Variants in CFAP20DC observed in about 807,000 individuals in gnomAD.
CFAP20DC encodes protein CFAP20DC.
CFAP20DC carries 84 observed loss-of-function variants against 101.7 expected under a neutral mutation model. The observed-to-expected ratio is 0.83, with a 90% CI of 0.69 to 0.99. The LOEUF (loss-of-function observed/expected upper bound fraction) is 0.99. CFAP20DC is among the 50% of genes least tolerant of loss of function. CFAP20DC has a pLI of 0.00. For synonymous variants in CFAP20DC, 359 were observed against 351.2 expected, an observed-to-expected ratio of 1.02 and a Z score of -0.25; for missense variants, 1,007 against 970.3, an observed-to-expected ratio of 1.04 and a Z score of -0.50.
intron 5 of CFAP20DC, among the ~76,000 whole-genome samples, chr3:58,920,176 C>T (rs1322328670): frequency 6.7e-6 from 1 of 150,036 alleles, no homozygotes; most frequent in African/African-American, 2.5e-5. Flanking sequence ...CTGCAGCCTC[C>T]GCTTCCCAGG....
At chr3:59,038,610 A>T (rs1278146908) in intron 4 of CFAP20DC, among the ~76,000 whole-genome samples, 1 of 152,164 alleles carries the variant, frequency 6.6e-6, no homozygotes, top group East Asian at 1.9e-4. Flanking sequence ...ACATTTTTGT[A>T]ATTCCTGCAA....
At chr3:58,870,924 A>G (rs1273443) in intron 7 of CFAP20DC, among the ~76,000 whole-genome samples, 12 of 143,346 alleles carry the variant, frequency 8.4e-5, no homozygotes, top group African/African-American at 3.3e-4. Context: ...AAAAAAAAAA[A>G]GAAAAAAGGA....
At chr3:58,947,807 A>G (rs958661856) in intron 4 of CFAP20DC, among the ~76,000 whole-genome samples, 1 of 152,208 alleles carries the variant, frequency 6.6e-6, no homozygotes, top group Admixed American at 6.5e-5. Flanking sequence ...TAGGACAACA[A>G]AGGAGGAAAA....
At chr3:58,982,834 G>A (rs1391821684) in intron 4 of CFAP20DC, among the ~76,000 whole-genome samples, 3 of 151,936 alleles carry the variant, frequency 2.0e-5, no homozygotes, top group African/African-American at 4.8e-5. Context: ...TTGTGCACAT[G>A]TACCCTAAAA....
Position 59,046,274 on chromosome 3 carries a change from T to C in CFAP20DC, c.160A>G (p.Ser54Gly). The change falls in exon 3 of 17, where the codon AGC (serine) becomes GGC (glycine). Residue 54 changes from serine to glycine, a missense_variant. Transcript: ENST00000482387. ...GGTAACTGAATTTTGTTTGTTTGGC[T>C]GCTGCCTTCCAGGACAAACACAAAA... Reference protein sequence around the residue: ...KSFVFVLEGSSQTNKIQLPKE... With the variant: ...KSFVFVLEGSGQTNKIQLPKE... 4 of 1,532,966 alleles carry C rather than the reference T, an allele frequency of 2.6e-6. No homozygotes were observed. The highest frequency in any genetic ancestry group is 3.5e-6 in the Non-Finnish European group (4 of 1,145,688). The allele number at this position is 1,532,966 out of a possible 1,614,324, so 95.0% of individuals were successfully genotyped here.
At chr3:58,733,070 G>A (rs939284655) in intron 3 of CFAP20DC, among the ~76,000 whole-genome samples, 18 of 152,210 alleles carry the variant, frequency 1.2e-4, no homozygotes, top group Admixed American at 3.3e-4. Flanking sequence ...GGTGGCTCAC[G>A]CCTGTAATTC....
At position 58,742,562 on chromosome 3, in the gene CFAP20DC, G is replaced by A. The variant is rs772308946; in HGVS notation, c.2343C>T (p.Asp781=). 25 of 1,600,346 alleles carry A rather than the reference G, an allele frequency of 1.6e-5. No individual in the cohort carries two copies. The East Asian group carries it at 4.8e-4, about 31-fold the overall frequency. ...CESLSVQGEE[D]LSVEEDEEVL... is the part of the protein sequence containing the mutation. The stretch of plus-strand genomic sequence containing the variant: ...CTTCCTCGTCCTCTTCCACACTGAG[G>A]TCTTCTTCACCTGTGGGGAAGGGGA... Residue 781 remains aspartate, a synonymous_variant, in exon 17 of 17, where the codon GAC becomes GAT. Transcript: ENST00000482387.
chr3:58,946,277 C>T (rs765822586), intron 4 of CFAP20DC, among the ~76,000 whole-genome samples: 14 of 151,630 alleles, frequency 9.2e-5, no homozygotes, highest in Admixed American at 6.6e-4. Context: ...CCACCATGCC[C>T]GGCTAATTTT....
intron 2 of CFAP20DC, 99 bp downstream of exon 2, chr3:59,047,066 C>G: frequency 2.6e-6 from 2 of 762,416 alleles, no homozygotes; most frequent in Non-Finnish European, 4.2e-6. Context: ...AGTGAAAGAA[C>G]AGGAAAAACA....
Position 58,863,780 on chromosome 3 carries a change from G to A in CFAP20DC, c.1371C>T (p.Ala457=). ...SCNPSHLWLE[A]SKESEHDQQA... is the part of the protein sequence containing the mutation. ...GCTGGTCGTGTTCACTCTCTTTGCT[G>A]GCTTCCAGCCACAGGTGTGATGGGT... is the stretch of plus-strand genomic sequence containing the variant. The change falls in exon 12 of 17, where the codon GCC becomes GCT. Residue 457 remains alanine (A), a synonymous_variant. Coordinates refer to ENST00000482387, the MANE Select transcript of CFAP20DC (RefSeq NM_001394063.1). This position sits in a 1 kb window ranked among gnomAD's most constrained non-coding sequence, Gnocchi z 5.9. 1 of 1,614,154 alleles carries A rather than the reference G, an allele frequency of 6.2e-7. No homozygotes were observed. The highest frequency in any genetic ancestry group is 1.3e-5 in the African/African-American group (1 of 75,032).
chr3:58,905,475 T>A (rs1227517956), intron 6 of CFAP20DC, among the ~76,000 whole-genome samples: 1 of 152,202 alleles, frequency 6.6e-6, no homozygotes, highest in Non-Finnish European at 1.5e-5. Flanking sequence ...CAGTACGCTT[T>A]ACTACTTGTC....
Position 58,856,007 on chromosome 3 carries a change from A to G in CFAP20DC, c.1594-6598T>C, listed in dbSNP as rs373530771. ...TAATAAAAAAAAATAAAAAAAAGAA[A>G]GAAAAAAAGGAATGACTGTAGGAAA... On this transcript the variant is annotated intron_variant, in intron 12 of 16. Coordinates refer to ENST00000482387, the MANE Select transcript of CFAP20DC (RefSeq NM_001394063.1). 7.2e-5 allele frequency among the ~76,000 whole-genome samples: 11 copies of G among 152,030 alleles called. No individual in the cohort carries two copies. The East Asian group carries it at 1.9e-3, about 27-fold the overall frequency.
At chr3:58,857,924 T>C (rs1359182211) in intron 12 of CFAP20DC, among the ~76,000 whole-genome samples, 3 of 152,208 alleles carry the variant, frequency 2.0e-5, no homozygotes, top group Non-Finnish European at 4.4e-5. Context: ...ACGTATGTAA[T>C]TCATTTGGGC....
At chr3:58,758,783 C>T (rs533892886) in intron 15 of CFAP20DC, among the ~76,000 whole-genome samples, 5 of 152,070 alleles carry the variant, frequency 3.3e-5, no homozygotes, top group East Asian at 1.9e-4. Flanking sequence ...GGAGAACATG[C>T]GGTGTTTGGT....
chr3:59,009,714 C>G (rs1253913330), intron 4 of CFAP20DC, among the ~76,000 whole-genome samples: 1 of 152,180 alleles, frequency 6.6e-6, no homozygotes, highest in African/African-American at 2.4e-5. Context: ...ATACAAGAAG[C>G]TCAAAGAACT....
chr3:58,913,672 G>C lies in CFAP20DC; in HGVS notation c.550+36C>G. 6.2e-7 allele frequency: 1 copy of C among 1,605,778 alleles called. No homozygotes were observed. Among genetic ancestry groups the C allele is most frequent in the South Asian group, 1.1e-5 (1 of 90,898 alleles). On this transcript the variant is annotated intron_variant, in intron 6 of 16. Transcript: ENST00000482387. This position sits in a 1 kb window ranked among gnomAD's most constrained non-coding sequence, Gnocchi z 4.4. The stretch of plus-strand genomic sequence containing the variant: ...TATGGCTAATTTTAAAAATACATCA[G>C]AGAATTAAAAAATCTTGATAGCAAC...
At chr3:58,761,676 T>C (rs1390253301) in intron 15 of CFAP20DC, among the ~76,000 whole-genome samples, 5 of 152,238 alleles carry the variant, frequency 3.3e-5, no homozygotes, top group African/African-American at 1.2e-4. Flanking sequence ...GGGCATTTAG[T>C]GCTATAAATT....
chr3:58,820,929 C>G (rs979000320), intron 14 of CFAP20DC, among the ~76,000 whole-genome samples: 1 of 150,630 alleles, frequency 6.6e-6, no homozygotes, highest in African/African-American at 2.5e-5. Context: ...CAGCATGGTA[C>G]TGGTACCAAA....
At chr3:58,765,490 C>CAAAAAAAAAAAAAAAAAACA (rs1337049385) in intron 15 of CFAP20DC, among the ~76,000 whole-genome samples, 43 of 81,710 alleles carry the variant, frequency 5.3e-4, no homozygotes, top group East Asian at 8.1e-4. Context: ...AAAAAAAAAC[C>CAAAAAAAAAAAAAAAAAACA]AAAAAAAAAA....
Sources: allele counts gnomAD v4.1 joint callset (sites outside exome capture counted in the v4.1 genomes callset), GRCh38; gene constraint gnomAD v4.1.1; non-coding constraint Gnocchi (gnomAD v3.1); transcripts MANE v1.5; gene names NCBI Gene and HGNC (gene_info 2026-07-23, HGNC 2026-07-21).